Variants in CNOT9 observed in about 807,000 individuals in gnomAD.
CNOT9 encodes the protein CCR4-NOT transcription complex subunit 9, also known as RCD1 required for cell differentiation1 homolog.
In CNOT9, 8 loss-of-function variants were observed where a neutral mutation model predicts 37.4. The observed-to-expected ratio is 0.21, with a 90% CI of 0.13 to 0.39. The LOEUF is 0.39. CNOT9 is among the 10% of genes least tolerant of loss of function. The pLI, the probability that CNOT9 is intolerant of heterozygous loss-of-function variation, is 1.00. For synonymous variants in CNOT9, 120 were observed against 137.6 expected (o/e 0.87, Z 0.90); for missense variants, 154 against 365.3 (o/e 0.42, Z 4.71).
intron 7 of CNOT9, 33 bp from the exon 8 acceptor site, chr2:218,594,075 T>G (rs964163478): frequency 3.1e-6 from 5 of 1,608,174 alleles, no homozygotes; most frequent in Non-Finnish European, 4.3e-6. Flanking sequence ...TATTTGTTGG[T>G]CTCCCTGGTT....
At chr2:218,584,776 T>G in intron 4 of CNOT9, 55 bp downstream of exon 4, 5 of 1,265,494 alleles carry the variant, frequency 4.0e-6, no homozygotes, top group Non-Finnish European at 5.8e-6. Context: ...GTAGTCTAAG[T>G]TGGGTGTTTT....
intron 1 of CNOT9, among the ~76,000 whole-genome samples, chr2:218,577,397 A>G (rs573551191): frequency 2.6e-5 from 4 of 152,192 alleles, no homozygotes; most frequent in Non-Finnish European, 5.9e-5. Context: ...AGCAGAACCC[A>G]TAACACCAAG....
rs1694892387 is a variant in CNOT9, at chr2:218,595,064, A to G, written c.*788A>G. The G allele has an allele frequency of 6.6e-6, 1 of 152,172 alleles. No individual in the cohort carries two copies. 9.4% of individuals were successfully genotyped at this position (152,172 alleles called of 1,614,324 possible). The stretch of plus-strand genomic sequence containing the variant: ...AACCTTGTTTCTGGCTTTAGCTGCT[A>G]GTTTTCCCAAATCTCAGTGCTTTCC... On this transcript the variant is annotated 3_prime_UTR_variant, in exon 8 of 8. Coordinates refer to ENST00000273064, the MANE Select transcript of CNOT9 (RefSeq NM_005444.3).
intron 5 of CNOT9, among the ~76,000 whole-genome samples, chr2:218,591,821 C>T (rs532937768): frequency 6.6e-6 from 1 of 152,100 alleles, no homozygotes; most frequent in Non-Finnish European, 1.5e-5. Flanking sequence ...AATAAATCAT[C>T]TTGGCCTATG....
At chr2:218,571,574 C>CG (rs1693992148) in intron 1 of CNOT9, among the ~76,000 whole-genome samples, 1 of 142,638 alleles carries the variant, frequency 7.0e-6, no homozygotes, top group Admixed American at 7.0e-5. Flanking sequence ...TTTTGTGATT[C>CG]TTTTTTTTTT....
Position 218,572,715 on chromosome 2 carries a change from C to G in CNOT9, c.24+3737C>G, listed in dbSNP as rs552399874. 1.4e-5 allele frequency: 14 copies of G among 984,610 alleles called. No individual in the cohort carries two copies. The African/African-American group carries it at 2.4e-4, about 17-fold the overall frequency. 61.0% of individuals were successfully genotyped at this position (984,610 alleles called of 1,614,324 possible). A position where few individuals can be genotyped will look rare whatever the true frequency, so the allele number is the denominator to read the frequency against. On this transcript the variant is annotated intron_variant, in intron 1 of 7. Coordinates refer to ENST00000273064, the MANE Select transcript of CNOT9 (RefSeq NM_005444.3). ...GCTTGTGAAACAACCGGAGGTAAGCCTTTAGGGGATGTGTTTTTGTTTTGT... is the reference window on the plus strand; with the variant it reads ...GCTTGTGAAACAACCGGAGGTAAGCGTTTAGGGGATGTGTTTTTGTTTTGT...
At chr2:218,585,749 C>T (rs1694573139) in intron 4 of CNOT9, among the ~76,000 whole-genome samples, 2 of 151,632 alleles carry the variant, frequency 1.3e-5, no homozygotes, top group Admixed American at 1.3e-4. Flanking sequence ...CACAAATCCA[C>T]CCACCTCAGC....
At chr2:218,576,540 C>T (rs868434904) in intron 1 of CNOT9, among the ~76,000 whole-genome samples, 2 of 152,328 alleles carry the variant, frequency 1.3e-5, no homozygotes, top group Non-Finnish European at 1.5e-5. Flanking sequence ...TTTCTCCTAA[C>T]ATCAATGCTA....
At chr2:218,593,631 C>G (rs190567171) in intron 7 of CNOT9, 4 of 1,419,726 alleles carry the variant, frequency 2.8e-6, no homozygotes, top group Non-Finnish European at 3.7e-6. Flanking sequence ...CACTGCTCAT[C>G]TCTTATTAAG....
At chr2:218,582,190 A>G (rs80340114) in intron 2 of CNOT9, among the ~76,000 whole-genome samples, 22 of 152,350 alleles carry the variant, frequency 1.4e-4, no homozygotes, top group Non-Finnish European at 2.6e-4. Flanking sequence ...CCATTGATTC[A>G]TGTCCTTACC....
intron 1 of CNOT9, chr2:218,573,922 T>C: frequency 3.2e-6 from 1 of 314,556 alleles, no homozygotes; most frequent in South Asian, 2.4e-5. Context: ...ATATGAAAGT[T>C]TTTTAACACA....
At position 218,597,048 on chromosome 2, in the gene CNOT9, A is replaced by G. The variant is rs1694944346; in HGVS notation, c.*2772A>G. On this transcript the variant is annotated 3_prime_UTR_variant, in exon 8 of 8. Coordinates refer to ENST00000273064, the MANE Select transcript of CNOT9 (RefSeq NM_005444.3). ...AAAGGCTAGGAAAAGGGGGATATACAAAGTTGTTGCTTTCAAAAACTCAGA... is the reference window on the plus strand; with the variant it reads ...AAAGGCTAGGAAAAGGGGGATATACGAAGTTGTTGCTTTCAAAAACTCAGA... 1 of 152,160 alleles carries G rather than the reference A, an allele frequency of 6.6e-6. No individual in the cohort carries two copies. The highest frequency in any genetic ancestry group is 6.5e-5 in the Admixed American group (1 of 15,274). The allele number at this position is 152,160 out of a possible 1,614,324, so 9.4% of individuals were successfully genotyped here.
chr2:218,593,975 T>G, intron 7 of CNOT9, 133 bp from the exon 8 acceptor site: 1 of 1,056,408 alleles, frequency 9.5e-7, no homozygotes, highest in Non-Finnish European at 1.4e-6. Context: ...TTAGAGAATT[T>G]TAATGGCTTC....
intron 5 of CNOT9, among the ~76,000 whole-genome samples, chr2:218,588,756 G>A (rs1262528706): frequency 6.8e-6 from 1 of 147,228 alleles, no homozygotes; most frequent in Admixed American, 6.9e-5. Flanking sequence ...TGTATTTTTA[G>A]TAGAGATTGG....
At chr2:218,572,803 C>A in intron 1 of CNOT9, 1 of 519,994 alleles carries the variant, frequency 1.9e-6, no homozygotes, top group South Asian at 8.4e-5. Flanking sequence ...ACTTGTCTTT[C>A]TCTCACTTTC....
In CNOT9 at chr2:218,568,891, T is replaced by G. The variant is rs967698204; in HGVS notation, c.-64T>G. 9.6e-6 allele frequency: 15 copies of G among 1,562,668 alleles called. No homozygotes were observed. Among genetic ancestry groups the G allele is most frequent in the East Asian group, 4.7e-5 (2 of 42,174 alleles). ...GGCTCATTGTTTTCCGCTGCAGGGG[T>G]GCTGAAGGGGGGACGCGGGTCGGAC... On this transcript the variant is annotated 5_prime_UTR_variant, in exon 1 of 8. Transcript: ENST00000273064.
intron 4 of CNOT9, among the ~76,000 whole-genome samples, chr2:218,586,092 G>T (rs1385672327): frequency 6.6e-6 from 1 of 152,106 alleles, no homozygotes; most frequent in Non-Finnish European, 1.5e-5. Flanking sequence ...TCATTGATTG[G>T]TGTATCAATG....
chr2:218,589,527 G>A lies in CNOT9; in HGVS notation c.540+1832G>A, dbSNP rs1694705643. On this transcript the variant is annotated intron_variant, in intron 5 of 7. Transcript: ENST00000273064. ...TTATTTTTATTTTTTGTAAAGACAA[G>A]GTCTCCCTATGTTGCCTGGGCTACT... Among the ~76,000 whole-genome samples, 3 of 152,114 alleles carry A rather than the reference G, an allele frequency of 2.0e-5. No individual in the cohort carries two copies. In the South Asian group the frequency reaches 6.2e-4, roughly 32 times the overall value.
intron 2 of CNOT9, among the ~76,000 whole-genome samples, chr2:218,581,289 C>T (rs930528519): frequency 3.3e-5 from 5 of 151,530 alleles, no homozygotes; most frequent in African/African-American, 1.2e-4. Context: ...CTGCCTCAGC[C>T]TCCTGAGTAG....
Sources: allele counts gnomAD v4.1 joint callset (sites outside exome capture counted in the v4.1 genomes callset), GRCh38; gene constraint gnomAD v4.1.1; transcripts MANE v1.5; gene names NCBI Gene and HGNC (gene_info 2026-07-23, HGNC 2026-07-21).